The following OCA2 variants were observed in gnomAD, a reference collection of about 807,000 sequenced individuals.
OCA2 encodes the protein OCA2 melanosomal transmembrane protein, also known as P protein.
OCA2 carries 77 observed loss-of-function variants against 100.2 expected under a neutral mutation model. The observed-to-expected ratio is 0.77, with a 90% CI of 0.64 to 0.93. The LOEUF is 0.93. Ranked by LOEUF, OCA2 falls within the 40% of genes least tolerant of loss-of-function variation. OCA2 has a pLI of 0.00. For missense variants in OCA2, 1,062 were observed against 1,089.1 expected (o/e 0.98, Z 0.35); for synonymous variants, 432 against 439.2 (o/e 0.98, Z 0.21).
At chr15:28,005,792 G>A (rs1181785165) in intron 9 of OCA2, among the ~76,000 whole-genome samples, 1 of 152,136 alleles carries the variant, frequency 6.6e-6, no homozygotes, top group African/African-American at 2.4e-5. Flanking sequence ...TGGGGGTTAG[G>A]ATGTGGCATC....
intron 21 of OCA2, among the ~76,000 whole-genome samples, chr15:27,859,504 T>G (rs182263213): frequency 1.3e-5 from 2 of 152,308 alleles, no homozygotes; most frequent in African/African-American, 4.8e-5. Flanking sequence ...GATCTGTAAC[T>G]AGTAAGGACA....
chr15:27,871,989 A>C, intron 19 of OCA2, 67 bp from the exon 20 acceptor site: 2 of 1,234,560 alleles, frequency 1.6e-6, no homozygotes, highest in South Asian at 1.2e-5. Context: ...TTAAAAAAAA[A>C]GTCTTGAAAA....
At chr15:27,870,778 G>C (rs1223790152) in intron 21 of OCA2, among the ~76,000 whole-genome samples, 6 of 127,986 alleles carry the variant, frequency 4.7e-5, no homozygotes, top group Non-Finnish European at 8.2e-5. Context: ...AGGAAAGAAA[G>C]AAAGAAAGAA....
intron 2 of OCA2, among the ~76,000 whole-genome samples, chr15:28,039,348 C>G (rs954601634): frequency 1.3e-5 from 2 of 152,168 alleles, no homozygotes; most frequent in African/African-American, 4.8e-5. Flanking sequence ...GCAGAATACA[C>G]TTTTATCTAA....
intron 23 of OCA2, among the ~76,000 whole-genome samples, chr15:27,831,309 G>T (rs2034947350): frequency 2.8e-5 from 2 of 71,664 alleles, no homozygotes; most frequent in African/African-American, 9.1e-5. Flanking sequence ...AAAAAAAATC[G>T]GTCTGAGTCC....
chr15:27,865,639 G>C (rs542529505), intron 21 of OCA2, among the ~76,000 whole-genome samples: 1 of 152,172 alleles, frequency 6.6e-6, no homozygotes, highest in African/African-American at 2.4e-5. Context: ...GTTACTCTAA[G>C]GGTGTTTGGT....
chr15:27,777,933 A>G (rs2032329924), intron 23 of OCA2, among the ~76,000 whole-genome samples: 1 of 152,246 alleles, frequency 6.6e-6, no homozygotes, highest in Non-Finnish European at 1.5e-5. Context: ...CTTTCTCAGA[A>G]AGGAAGTCTG....
intron 23 of OCA2, among the ~76,000 whole-genome samples, chr15:27,769,656 G>C (rs1243993831): frequency 6.6e-6 from 1 of 152,110 alleles, no homozygotes; most frequent in African/African-American, 2.4e-5. Context: ...AAAAAAAAAG[G>C]CTTTAATAAC....
chr15:28,099,093 A>C (rs1382525281), intron 1 of OCA2, 131 bp downstream of exon 1: 2 of 155,362 alleles, frequency 1.3e-5, no homozygotes, highest in Non-Finnish European at 2.8e-5. Context: ...GTGCACACTA[A>C]CCTTTAGGGG....
intron 19 of OCA2, among the ~76,000 whole-genome samples, chr15:27,906,374 A>T (rs780789323): frequency 6.6e-5 from 10 of 152,324 alleles, no homozygotes; most frequent in Non-Finnish European, 1.0e-4. Flanking sequence ...CCCAAAAGAC[A>T]ATAGACAAAA....
At chr15:28,074,383 CA>C (rs1379972335) in intron 2 of OCA2, among the ~76,000 whole-genome samples, 1 of 149,788 alleles carries the variant, frequency 6.7e-6, no homozygotes, top group Admixed American at 6.6e-5. Flanking sequence ...ACTAAAAATA[CA>C]AAAAAAATGG....
At chr15:28,081,323 G>A (rs2044615105) in intron 2 of OCA2, among the ~76,000 whole-genome samples, 1 of 152,178 alleles carries the variant, frequency 6.6e-6, no homozygotes, top group East Asian at 1.9e-4. Context: ...CTTGCTATAT[G>A]TATAGAAATA....
At chr15:27,871,989 A>T in intron 19 of OCA2, 67 bp from the exon 20 acceptor site, 1 of 1,234,558 alleles carries the variant, frequency 8.1e-7, no homozygotes, top group South Asian at 1.2e-5. Context: ...TTAAAAAAAA[A>T]GTCTTGAAAA....
intron 23 of OCA2, among the ~76,000 whole-genome samples, chr15:27,822,446 AAG>A: frequency 6.6e-6 from 1 of 152,308 alleles, no homozygotes; most frequent in East Asian, 1.9e-4. Context: ...GGGCTCGCCT[AAG>A]AGTGAGACTG....
chr15:27,750,292 C>A (rs1358543801), downstream of OCA2, among the ~76,000 whole-genome samples: 5 of 152,158 alleles, frequency 3.3e-5, no homozygotes, highest in African/African-American at 1.2e-4. Flanking sequence ...CAGAACTACA[C>A]CCCTCTTTGG....
intron 18 of OCA2, 37 bp downstream of exon 18, chr15:27,951,747 T>G (rs769199285): frequency 2.1e-6 from 3 of 1,399,312 alleles, no homozygotes; most frequent in East Asian, 4.6e-5. Context: ...ATCCAGAATG[T>G]GACAAAGCCT....
rs188910544 is a variant in OCA2, at chr15:27,787,679, T to C, written c.2433-32207A>G. On this transcript the variant is annotated intron_variant, in intron 23 of 23. Coordinates refer to ENST00000354638, the MANE Select transcript of OCA2 (RefSeq NM_000275.3). The stretch of plus-strand genomic sequence containing the variant: ...CAATTTGTCAATTTTGTCAAGATTT[T>C]TAAAGAATCAATTTGGGTTTCATTG... Among the ~76,000 whole-genome samples, 102 of 152,108 alleles carry C rather than the reference T, an allele frequency of 6.7e-4. 3 individuals are homozygous for C. The Middle Eastern group carries it at 0.024, about 36-fold the overall frequency.
At chr15:28,013,300 G>C (rs986072263) in intron 9 of OCA2, among the ~76,000 whole-genome samples, 3 of 152,150 alleles carry the variant, frequency 2.0e-5, no homozygotes, top group African/African-American at 7.2e-5. Context: ...CAACAGAATA[G>C]GATTTGTCAA....
chr15:27,782,580 G>T (rs2032599450), intron 23 of OCA2, among the ~76,000 whole-genome samples: 1 of 152,156 alleles, frequency 6.6e-6, no homozygotes, highest in Non-Finnish European at 1.5e-5. Flanking sequence ...GATAAAGAAT[G>T]CCCCCTCAAA....
Sources: gnomAD v4.1 joint callset for allele counts (sites outside exome capture counted in the v4.1 genomes callset) on GRCh38, gnomAD v4.1.1 for gene constraint, MANE v1.5 for transcripts, NCBI Gene and HGNC (gene_info 2026-07-23, HGNC 2026-07-21) for gene names.